The following ANKRD26 variants were observed in gnomAD, a reference collection of about 807,000 sequenced individuals.
ANKRD26 encodes the protein ankyrin repeat domain-containing protein 26.
Under a neutral mutation model 208.7 loss-of-function variants are expected in ANKRD26, and 141 were observed. The observed-to-expected ratio is 0.68, with a 90% CI of 0.59 to 0.78. The LOEUF is 0.78. Among genes scored for constraint, ANKRD26 ranks in the 30% least tolerant of loss-of-function variants. ANKRD26 has a pLI of 0.00. For synonymous variants in ANKRD26, 636 were observed against 660.4 expected (o/e 0.96, Z 0.57); for missense variants, 1,889 against 1,938.7 (o/e 0.97, Z 0.48).
the ANKRD26 span, among the ~76,000 whole-genome samples, chr10:26,960,423 A>G: frequency 0.013 from 2,015 of 152,284 alleles, 119 homozygotes; most frequent in Admixed American, 0.096. Context: ...CTGTGAAGGC[A>G]CCAGGCTCAT....
At chr10:27,052,481 G>T (rs1285277247) in intron 16 of ANKRD26, among the ~76,000 whole-genome samples, 3 of 152,040 alleles carry the variant, frequency 2.0e-5, no homozygotes, top group Non-Finnish European at 4.4e-5. Flanking sequence ...TTTTTGTAAA[G>T]ATTTCTAACT....
intron 6 of ANKRD26, among the ~76,000 whole-genome samples, chr10:27,080,478 C>A (rs1589354030): frequency 3.9e-5 from 6 of 152,308 alleles, no homozygotes; most frequent in Admixed American, 3.9e-4. Context: ...GTTATAAAAT[C>A]CAATTATTTT....
chr10:27,078,981 A>G (rs2055803439), intron 7 of ANKRD26, 108 bp downstream of exon 7: 1 of 871,732 alleles, frequency 1.1e-6, no homozygotes, highest in Admixed American at 2.1e-5. Flanking sequence ...CCACCTTTCC[A>G]TTACAAACAG....
rs760013237 is a variant in ANKRD26, at chr10:27,051,161, T to C, written c.1635+2159A>G. 2.2e-5 allele frequency: 28 copies of C among 1,290,054 alleles called. No individual in the cohort carries two copies. The South Asian group carries it at 2.5e-4, about 11-fold the overall frequency. The allele number at this position is 1,290,054 out of a possible 1,614,324, so 79.9% of individuals were successfully genotyped here. On this transcript the variant is annotated intron_variant, in intron 16 of 33. Transcript: ENST00000376087. ...TTTGCATATCTTGCTGTAATTCTTC[T>C]TTTAGAGATACTTTTGATGTTCTGT...
At chr10:27,022,836 T>A in intron 28 of ANKRD26, 149 bp from the exon 29 acceptor site, 1 of 719,120 alleles carries the variant, frequency 1.4e-6, no homozygotes. Flanking sequence ...TTGAAAACAC[T>A]CTAATGAAAT....
At chr10:26,950,504 TG>T in the ANKRD26 span, among the ~76,000 whole-genome samples, 1 of 152,274 alleles carries the variant, frequency 6.6e-6, no homozygotes, top group Non-Finnish European at 1.5e-5. Flanking sequence ...GTTTGGGTCA[TG>T]GGGACAGATT....
downstream of ANKRD26, among the ~76,000 whole-genome samples, chr10:26,972,791 C>T (rs1036181608): frequency 5.3e-5 from 8 of 151,954 alleles, no homozygotes; most frequent in East Asian, 1.9e-4. Context: ...GGGGTTTCAC[C>T]GTGTTAGCCA....
Position 27,037,858 on chromosome 10 carries a change from A to T in ANKRD26, c.2559+13T>A, listed in dbSNP as rs1040307955. 2 of 1,588,448 alleles carry T rather than the reference A, an allele frequency of 1.3e-6. No individual in the cohort carries two copies. The highest frequency in any genetic ancestry group is 1.7e-6 in the Non-Finnish European group (2 of 1,163,766). ...AGTTAAAAATATAAAATTTTTATCA[A>T]AAATTAATTTACCTGATTCAAATTA... On this transcript the variant is annotated intron_variant, in intron 22 of 33. Coordinates refer to ENST00000376087, the MANE Select transcript of ANKRD26 (RefSeq NM_014915.3).
Position 27,017,534 on chromosome 10 carries a change from C to T in ANKRD26, c.4474G>A (p.Glu1492Lys). ...AATAGATTGACTTCTTTTAATTTTTCTGCTATTTCCTGTCTTGCTCTTTCT... is the reference window on the plus strand; with the variant it reads ...AATAGATTGACTTCTTTTAATTTTTTTGCTATTTCCTGTCTTGCTCTTTCT... Reference protein sequence around the residue: ...IEERARQEIAEKLKEVNLFLQ... With the variant: ...IEERARQEIAKKLKEVNLFLQ... The change falls in exon 30 of 34, where the codon GAA (glutamate) becomes AAA (lysine). Residue 1492 changes from glutamate to lysine, a missense_variant. Glu to Lys is a moderately conservative substitution (Grantham distance 56, BLOSUM62 1). Transcript: ENST00000376087. 6.2e-7 allele frequency: 1 copy of T among 1,613,584 alleles called. No individual in the cohort carries two copies. Among genetic ancestry groups the T allele is most frequent in the Non-Finnish European group, 8.5e-7 (1 of 1,179,790 alleles).
chr10:27,019,547 G>A (rs1428788360), intron 29 of ANKRD26, among the ~76,000 whole-genome samples: 1 of 152,128 alleles, frequency 6.6e-6, no homozygotes, highest in African/African-American at 2.4e-5. Flanking sequence ...CTTCTAGATA[G>A]AGTTGCTTAT....
rs1174510554 is a variant in ANKRD26, at chr10:27,047,725, A to ACTACTAC, written c.1814+1075_1814+1076insGTAGTAG. 3.9e-3 allele frequency among the ~76,000 whole-genome samples: 552 copies of ACTACTAC among 140,052 alleles called. 6 individuals are homozygous for ACTACTAC. Among genetic ancestry groups the ACTACTAC allele is most frequent in the Non-Finnish European group, 5.9e-3 (385 of 65,434 alleles). The allele number at this position is 140,052 out of a possible 152,430, so 91.9% of individuals were successfully genotyped here. On this transcript the variant is annotated intron_variant, in intron 17 of 33. Transcript: ENST00000376087. ...AATACTACTACTACTACTACTACTA[A>ACTACTAC]TAATAATAATAATAATTATTATTAT...
chr10:27,074,474 A>T (rs1234975706), intron 9 of ANKRD26, among the ~76,000 whole-genome samples: 2 of 152,192 alleles, frequency 1.3e-5, no homozygotes, highest in African/African-American at 4.8e-5. Flanking sequence ...TGAGGTCAGG[A>T]GTTTGAGACC....
chr10:27,018,005 T>C (rs2053356739), intron 29 of ANKRD26, among the ~76,000 whole-genome samples: 1 of 152,174 alleles, frequency 6.6e-6, no homozygotes, highest in South Asian at 2.1e-4. Flanking sequence ...TCCTTATTTT[T>C]ATCATCTCTG....
chr10:27,078,953 TA>T, intron 7 of ANKRD26, 135 bp downstream of exon 7: 1 of 537,686 alleles, frequency 1.9e-6, no homozygotes, highest in Non-Finnish European at 3.3e-6. Flanking sequence ...CATATTTCTA[TA>T]AAATGGCTTC....
At chr10:27,075,275 C>T (rs2055655775) in intron 9 of ANKRD26, among the ~76,000 whole-genome samples, 1 of 152,126 alleles carries the variant, frequency 6.6e-6, no homozygotes, top group South Asian at 2.1e-4. Context: ...CTAAATGCTC[C>T]ACTTAAAAGA....
At chr10:27,076,638 A>T (rs527547793) in intron 9 of ANKRD26, among the ~76,000 whole-genome samples, 7 of 152,246 alleles carry the variant, frequency 4.6e-5, no homozygotes, top group African/African-American at 1.2e-4. Context: ...GATTCAAATA[A>T]GCTCAAGTAG....
chr10:27,076,991 C>G, intron 9 of ANKRD26: 1 of 219,580 alleles, frequency 4.6e-6, no homozygotes, highest in South Asian at 8.4e-5. Flanking sequence ...CTCCCTAACT[C>G]ATTCTATAAA....
At chr10:27,092,582 G>T in intron 3 of ANKRD26, 70 bp from the exon 4 acceptor site, 2 of 1,155,288 alleles carry the variant, frequency 1.7e-6, no homozygotes, top group Non-Finnish European at 1.3e-6. Flanking sequence ...AAAACTCTAT[G>T]TCAGATCCTT....
intron 11 of ANKRD26, among the ~76,000 whole-genome samples, chr10:27,064,602 T>C (rs566877945): frequency 6.6e-6 from 1 of 152,344 alleles, no homozygotes; most frequent in South Asian, 2.1e-4. Context: ...TAAGAAACTC[T>C]GGAGTATGCC....
Sources: allele counts gnomAD v4.1 joint callset (sites outside exome capture counted in the v4.1 genomes callset), GRCh38; gene constraint gnomAD v4.1.1; transcripts MANE v1.5; gene names NCBI Gene and HGNC (gene_info 2026-07-23, HGNC 2026-07-21).